The following KCNQ5 variants were observed in gnomAD, a reference collection of about 807,000 sequenced individuals.
KCNQ5 encodes the protein potassium voltage-gated channel subfamily KQT member 5.
In KCNQ5, 30 loss-of-function variants were observed where a neutral mutation model predicts 98.2. That is an observed-to-expected ratio of 0.31 (90% CI 0.23 to 0.41). KCNQ5 has a LOEUF of 0.41. Among genes scored for constraint, KCNQ5 ranks in the 10% least tolerant of loss-of-function variants. The pLI is 1.00. For missense variants in KCNQ5, 835 were observed against 1,182.5 expected (o/e 0.71, Z 4.31); for synonymous variants, 458 against 449.4 (o/e 1.02, Z -0.24).
chr6:73,090,715 G>GA (rs1461280223), intron 5 of KCNQ5, among the ~76,000 whole-genome samples: 1 of 152,090 alleles, frequency 6.6e-6, no homozygotes, highest in African/African-American at 2.4e-5. Flanking sequence ...ACAAAATTAT[G>GA]AAAAAATGCT....
intron 1 of KCNQ5, among the ~76,000 whole-genome samples, chr6:72,980,069 G>A (rs1420960579): frequency 6.6e-6 from 1 of 152,128 alleles, no homozygotes; most frequent in Admixed American, 6.5e-5. Context: ...TGCTGTTTTG[G>A]TTACTGTAGC....
chr6:72,734,902 T>G (rs1360288097), intron 1 of KCNQ5, among the ~76,000 whole-genome samples: 1 of 152,202 alleles, frequency 6.6e-6, no homozygotes, highest in Non-Finnish European at 1.5e-5. Flanking sequence ...CTTCTATGAT[T>G]CTTTATTTTA....
chr6:72,929,872 A>C (rs529781586), intron 1 of KCNQ5, among the ~76,000 whole-genome samples: 21 of 152,320 alleles, frequency 1.4e-4, no homozygotes, highest in African/African-American at 4.8e-4. Context: ...ACACAGTCTT[A>C]TGACAGGAAA....
intron 1 of KCNQ5, among the ~76,000 whole-genome samples, chr6:72,632,683 T>C (rs142271972): frequency 6.6e-6 from 1 of 152,328 alleles, no homozygotes; most frequent in East Asian, 1.9e-4. Flanking sequence ...ATGTGGTACT[T>C]GGTTTTCTTT....
At chr6:72,961,478 CG>C (rs1767346902) in intron 1 of KCNQ5, among the ~76,000 whole-genome samples, 1 of 151,932 alleles carries the variant, frequency 6.6e-6, no homozygotes, top group Admixed American at 6.6e-5. Flanking sequence ...AAAAATTAGC[CG>C]GGCGTGGTGG....
At chr6:73,063,686 T>TAGATAGATGATAGATAGATGATA (rs55995543) in intron 3 of KCNQ5, among the ~76,000 whole-genome samples, 3 of 93,244 alleles carry the variant, frequency 3.2e-5, no homozygotes, top group Non-Finnish European at 6.8e-5. Context: ...GATAGATAGA[T>TAGATAGATGATAGATAGATGATA]GATAGATAGA....
chr6:73,047,082 C>T (rs991745721), intron 3 of KCNQ5, among the ~76,000 whole-genome samples: 9 of 152,138 alleles, frequency 5.9e-5, no homozygotes, highest in Non-Finnish European at 2.9e-5. Context: ...GAAAAATATA[C>T]ATACCCAACT....
At chr6:72,662,804 T>G (rs1582071764) in intron 1 of KCNQ5, among the ~76,000 whole-genome samples, 1 of 152,286 alleles carries the variant, frequency 6.6e-6, no homozygotes, top group East Asian at 1.9e-4. Context: ...AAGGCTATTT[T>G]GAGAGCTACA....
chr6:72,885,191 G>A (rs1462096132), intron 1 of KCNQ5, among the ~76,000 whole-genome samples: 3 of 152,172 alleles, frequency 2.0e-5, no homozygotes, highest in Non-Finnish European at 4.4e-5. Flanking sequence ...CATAAGTGCA[G>A]GGACGATTTC....
At chr6:72,784,920 G>A (rs541924028) in intron 1 of KCNQ5, among the ~76,000 whole-genome samples, 1 of 152,128 alleles carries the variant, frequency 6.6e-6, no homozygotes, top group African/African-American at 2.4e-5. Context: ...ACCATTATGA[G>A]TCAAGCCCAA....
At chr6:72,872,002 A>G (rs1031701385) in intron 1 of KCNQ5, among the ~76,000 whole-genome samples, 7 of 152,242 alleles carry the variant, frequency 4.6e-5, no homozygotes, top group African/African-American at 1.7e-4. Context: ...CAAAGAAAGA[A>G]AGAGCAGCAA....
intron 1 of KCNQ5, among the ~76,000 whole-genome samples, chr6:72,710,830 T>C (rs1218246832): frequency 6.6e-6 from 1 of 152,156 alleles, no homozygotes; most frequent in Admixed American, 6.5e-5. Flanking sequence ...AATTATACTT[T>C]GGGCCAAATG....
intron 1 of KCNQ5, among the ~76,000 whole-genome samples, chr6:72,823,171 G>T (rs958495999): frequency 6.6e-6 from 1 of 152,068 alleles, no homozygotes; most frequent in African/African-American, 2.4e-5. Context: ...TTGAAACTAC[G>T]TGTAATACTT....
intron 1 of KCNQ5, among the ~76,000 whole-genome samples, chr6:72,937,950 TACA>T (rs1766023116): frequency 6.6e-6 from 1 of 152,202 alleles, no homozygotes; most frequent in Admixed American, 6.5e-5. Flanking sequence ...CTTTATAACT[TACA>T]ATTGGGAAAT....
chr6:73,196,901 A>G lies in KCNQ5; in HGVS notation c.*1487A>G, dbSNP rs576503491. 6.6e-6 allele frequency: 1 copy of G among 152,280 alleles called. No individual in the cohort carries two copies. The highest frequency in any genetic ancestry group is 2.4e-5 in the African/African-American group (1 of 41,562). The allele number at this position is 152,280 out of a possible 1,614,324, so 9.4% of individuals were successfully genotyped here. A position where few individuals can be genotyped will look rare whatever the true frequency, so the allele number is the denominator to read the frequency against. On this transcript the variant is annotated 3_prime_UTR_variant, in exon 14 of 14. Transcript: ENST00000370398. ...GAAACCCATCTAGCTATCTTAGGTC[A>G]CCAGAACTTCAGCCAACGTAATGAC...
chr6:73,165,249 G>T (rs925979423), intron 10 of KCNQ5, among the ~76,000 whole-genome samples: 1 of 152,086 alleles, frequency 6.6e-6, no homozygotes, highest in East Asian at 1.9e-4. Context: ...GCCTCCCAAA[G>T]TGCAGGATTA....
intron 6 of KCNQ5, among the ~76,000 whole-genome samples, chr6:73,109,262 A>C (rs1032435065): frequency 6.6e-6 from 1 of 152,210 alleles, no homozygotes; most frequent in African/African-American, 2.4e-5. Flanking sequence ...CAGATGATAA[A>C]TTTGTGCTAT....
intron 1 of KCNQ5, among the ~76,000 whole-genome samples, chr6:72,852,301 C>T (rs1777294743): frequency 6.6e-6 from 1 of 151,968 alleles, no homozygotes; most frequent in Admixed American, 6.6e-5. Context: ...AAAGATATAT[C>T]TACTCTTCCA....
In KCNQ5 at chr6:73,169,817, C is replaced by G; in HGVS notation, c.1540C>G (p.Leu514Val). ...GCQCDVSVED[L>V]TPPLKTVIRA... ...CCAGTGTGATGTATCAGTGGAAGAC[C>G]TCACCCCACCACTTAAAACTGTCAT... Residue 514 changes from leucine (L) to valine (V), a missense_variant, in exon 11 of 14, where the codon CTC becomes GTC. Physicochemically the swap from Leu to Val is conservative, Grantham distance 32. Transcript: ENST00000370398. The G allele has an allele frequency of 1.2e-6, 2 of 1,613,168 alleles. No homozygotes were observed.
Sources: allele counts gnomAD v4.1 joint callset (sites outside exome capture counted in the v4.1 genomes callset), GRCh38; gene constraint gnomAD v4.1.1; transcripts MANE v1.5; gene names NCBI Gene and HGNC (gene_info 2026-07-23, HGNC 2026-07-21).